The following GREM2 variants were observed in gnomAD, a reference collection of about 807,000 sequenced individuals.
GREM2 encodes gremlin-2.
Under a neutral mutation model 14.2 loss-of-function variants are expected in GREM2, and 11 were observed. The observed-to-expected ratio is 0.78, with a 90% CI of 0.49 to 1.28. The LOEUF is 1.28. Among genes scored for constraint, GREM2 ranks in the 50% most tolerant of loss-of-function variants. GREM2 has a pLI of 0.00. For missense variants in GREM2, 210 were observed against 218.5 expected, an observed-to-expected ratio of 0.96 and a Z score of 0.24; for synonymous variants, 98 against 97.6, an observed-to-expected ratio of 1.00 and a Z score of -0.02.
chr1:240,533,148 GGT>G, intron 1 of GREM2, among the ~76,000 whole-genome samples: 1 of 152,344 alleles, frequency 6.6e-6, no homozygotes, highest in South Asian at 2.1e-4. Flanking sequence ...GTATGCCTGA[GGT>G]GTGAAGAAGG....
At chr1:240,524,187 T>C (rs997890024) in intron 1 of GREM2, among the ~76,000 whole-genome samples, 1 of 152,212 alleles carries the variant, frequency 6.6e-6, no homozygotes, top group Non-Finnish European at 1.5e-5. Flanking sequence ...CAGCTAATTT[T>C]TTATTTTTTG....
intron 1 of GREM2, among the ~76,000 whole-genome samples, chr1:240,564,626 A>C (rs1337446883): frequency 6.6e-6 from 1 of 152,086 alleles, no homozygotes; most frequent in Non-Finnish European, 1.5e-5. Context: ...TCTTTTTCTC[A>C]TAGGTGGGGT....
intron 1 of GREM2, among the ~76,000 whole-genome samples, chr1:240,496,438 C>A (rs1346221703): frequency 6.6e-6 from 1 of 152,222 alleles, no homozygotes; most frequent in African/African-American, 2.4e-5. Context: ...TGGCCTTCTT[C>A]CTCACAGTCT....
chr1:240,584,728 G>A (rs1174362919), intron 1 of GREM2, among the ~76,000 whole-genome samples: 1 of 151,732 alleles, frequency 6.6e-6, no homozygotes, highest in Non-Finnish European at 1.5e-5. Context: ...GAAATAAAAA[G>A]CAATGCAGTA....
intron 1 of GREM2, among the ~76,000 whole-genome samples, chr1:240,587,582 A>G (rs1275976038): frequency 6.6e-6 from 1 of 152,160 alleles, no homozygotes; most frequent in Non-Finnish European, 1.5e-5. Flanking sequence ...TCAGCCTCCC[A>G]AAGTGCTAGG....
chr1:240,536,095 C>A (rs1016400676), intron 1 of GREM2, among the ~76,000 whole-genome samples: 1 of 151,972 alleles, frequency 6.6e-6, no homozygotes, highest in South Asian at 2.1e-4. Context: ...GGAACTGGAA[C>A]CACAGTACCT....
chr1:240,530,658 A>C (rs1404245023), intron 1 of GREM2: 3 of 152,252 alleles, frequency 2.0e-5, no homozygotes, highest in Non-Finnish European at 4.4e-5. Context: ...ATCGCAAATG[A>C]AACCATTCTT....
chr1:240,514,857 T>TCTGCACTCCAGCCTCTGTGCCC (rs1245630152), intron 1 of GREM2, among the ~76,000 whole-genome samples: 5 of 152,028 alleles, frequency 3.3e-5, no homozygotes, highest in Non-Finnish European at 5.9e-5. Context: ...CTCAATCTCC[T>TCTGCACTCCAGCCTCTGTGCCC]CTGCACTCCA....
chr1:240,571,190 A>G (rs1006055737), intron 1 of GREM2, among the ~76,000 whole-genome samples: 5 of 152,220 alleles, frequency 3.3e-5, no homozygotes, highest in Non-Finnish European at 5.9e-5. Context: ...CAACTTAAAA[A>G]AGAACATTCC....
rs149491990 is a variant in GREM2, at chr1:240,569,599, G to A, written c.-2+42285C>T. Among the ~76,000 whole-genome samples the A allele has an allele frequency of 2.8e-4, 43 of 152,200 alleles. No homozygotes were observed. The South Asian group carries it at 6.2e-3, about 22-fold the overall frequency. On this transcript the variant is annotated intron_variant, in intron 1 of 1. Transcript: ENST00000318160. Reference sequence around the variant, plus strand: ...ATGTAAAGGCAATTTGTTAGAGAACGGATATATAGCCAACAAATAGTATTG... The same window carrying A: ...ATGTAAAGGCAATTTGTTAGAGAACAGATATATAGCCAACAAATAGTATTG...
At chr1:240,535,498 G>C (rs145799427) in intron 1 of GREM2, among the ~76,000 whole-genome samples, 37 of 152,272 alleles carry the variant, frequency 2.4e-4, no homozygotes, top group African/African-American at 8.7e-4. Context: ...TTTAAAGGAC[G>C]AATGTGAGAA....
At chr1:240,510,550 G>A (rs949697672) in intron 1 of GREM2, among the ~76,000 whole-genome samples, 1 of 151,896 alleles carries the variant, frequency 6.6e-6, no homozygotes, top group Non-Finnish European at 1.5e-5. Context: ...AGATAGAGCT[G>A]GTGGTTGCAA....
chr1:240,546,966 G>A (rs1678738969), intron 1 of GREM2, among the ~76,000 whole-genome samples: 1 of 152,166 alleles, frequency 6.6e-6, no homozygotes, highest in Admixed American at 6.5e-5. Context: ...TAGACGATTA[G>A]TGCTGCAGGA....
chr1:240,556,372 A>C (rs1229017923), intron 1 of GREM2, among the ~76,000 whole-genome samples: 1 of 152,202 alleles, frequency 6.6e-6, no homozygotes, highest in African/African-American at 2.4e-5. Flanking sequence ...GAGCCTTCCA[A>C]ATAAAGAGCC....
intron 1 of GREM2, among the ~76,000 whole-genome samples, chr1:240,594,209 C>T (rs948103386): frequency 1.3e-5 from 2 of 152,128 alleles, no homozygotes; most frequent in African/African-American, 4.8e-5. Context: ...CTGCCTTGGC[C>T]TCCCAAAGTG....
chr1:240,515,717 G>C (rs1159951051), intron 1 of GREM2, among the ~76,000 whole-genome samples: 1 of 152,116 alleles, frequency 6.6e-6, no homozygotes, highest in Non-Finnish European at 1.5e-5. Context: ...TTTTCTTCCT[G>C]AGGCTGTGTT....
intron 1 of GREM2, among the ~76,000 whole-genome samples, chr1:240,513,515 C>T (rs193007680): frequency 7.5e-4 from 110 of 145,710 alleles, no homozygotes; most frequent in Non-Finnish European, 1.4e-3. Context: ...ACAGAGGTTG[C>T]AGTGAGCCGA....
intron 1 of GREM2, among the ~76,000 whole-genome samples, chr1:240,577,692 G>T (rs1351180743): frequency 1.3e-5 from 2 of 152,128 alleles, no homozygotes; most frequent in Admixed American, 6.5e-5. Context: ...AAGATGTTTT[G>T]GTTAATTCAC....
intron 1 of GREM2, among the ~76,000 whole-genome samples, chr1:240,567,138 G>C (rs1439276827): frequency 6.6e-6 from 1 of 152,078 alleles, no homozygotes; most frequent in Non-Finnish European, 1.5e-5. Context: ...AGCAACAGAA[G>C]CTATTTAAAA....
Sources: allele counts gnomAD v4.1 joint callset (sites outside exome capture counted in the v4.1 genomes callset), GRCh38; gene constraint gnomAD v4.1.1; transcripts MANE v1.5; gene names NCBI Gene and HGNC (gene_info 2026-07-23, HGNC 2026-07-21).